ABCA13: variants seen among roughly 807,000 people sequenced by gnomAD.
ABCA13 encodes the protein ATP-binding cassette sub-family A member 13.
A neutral mutation model predicts 478.7 loss-of-function variants in ABCA13; 476 were observed. The observed-to-expected ratio is 0.99, with a 90% confidence interval of 0.92 to 1.07. The LOEUF is 1.07. Among genes scored for constraint, ABCA13 ranks in the 50% least tolerant of loss-of-function variants. The probability of loss-of-function intolerance (pLI) is 0.00; values close to 1 mark genes in which losing one functional copy is unlikely to be tolerated. For missense variants in ABCA13, 6,060 were observed against 5,910.6 expected, an observed-to-expected ratio of 1.03 and a Z score of -0.83; for synonymous variants, 2,252 against 2,158.9, an observed-to-expected ratio of 1.04 and a Z score of -1.20.
At position 48,427,813 on chromosome 7, in the gene ABCA13, C is replaced by A; in HGVS notation, c.12507C>A (p.Ala4169=). Residue 4169 remains alanine (A), a synonymous_variant, in exon 42 of 62, where the codon GCC becomes GCA. Coordinates refer to ENST00000435803, the MANE Select transcript of ABCA13 (RefSeq NM_152701.5). ...LQDSNKKSHI[A]LGTESELQNH... ...ATTCCAACAAGAAATCTCACATTGC[C>A]CTGGGGACTGAGTCAGAGCTGCAGA... 1 of 1,612,474 alleles carries A rather than the reference C, an allele frequency of 6.2e-7. No homozygotes were observed.
chr7:48,241,641 T>G (rs576209970), intron 10 of ABCA13, among the ~76,000 whole-genome samples: 2 of 152,216 alleles, frequency 1.3e-5, no homozygotes, highest in Non-Finnish European at 2.9e-5. Flanking sequence ...CTTATTATCC[T>G]TCTGAAGTTA....
chr7:48,441,887 A>G (rs1025573622), intron 42 of ABCA13, among the ~76,000 whole-genome samples: 1 of 152,178 alleles, frequency 6.6e-6, no homozygotes, highest in Non-Finnish European at 1.5e-5. Flanking sequence ...CCTTACTGCG[A>G]AAAAAATGAA....
chr7:48,323,559 C>T (rs1331083875), intron 27 of ABCA13, among the ~76,000 whole-genome samples: 1 of 152,192 alleles, frequency 6.6e-6, no homozygotes, highest in Non-Finnish European at 1.5e-5. Context: ...GGGCCAGGCA[C>T]CTTATGTGGA....
chr7:48,483,510 C>T (rs1828989061), intron 47 of ABCA13, among the ~76,000 whole-genome samples: 1 of 152,212 alleles, frequency 6.6e-6, no homozygotes, highest in South Asian at 2.1e-4. Flanking sequence ...AATGTAAATG[C>T]CTTATCTTCC....
At chr7:48,595,987 A>G (rs898387826) in intron 58 of ABCA13, among the ~76,000 whole-genome samples, 1 of 152,226 alleles carries the variant, frequency 6.6e-6, no homozygotes, top group Non-Finnish European at 1.5e-5. Context: ...AGCTAGCCCT[A>G]TCATTTGAAA....
Position 48,240,996 on chromosome 7 carries a change from A to C in ABCA13, c.1192A>C (p.Thr398Pro), listed in dbSNP as rs373658773. 4.3e-6 allele frequency: 7 copies of C among 1,613,906 alleles called. No individual in the cohort carries two copies. In the African/African-American group the frequency reaches 9.3e-5, roughly 22 times the overall value. The part of the protein sequence containing the change: ...KPWKVVEALH[T>P]ALLLLNDSLS... Reference sequence around the variant, plus strand: ...CTGGAAGGTGGTGGAAGCTCTGCACACTGCACTGCTCCTGCTGAATGACAG... The same window carrying C: ...CTGGAAGGTGGTGGAAGCTCTGCACCCTGCACTGCTCCTGCTGAATGACAG... Residue 398 changes from threonine to proline, a missense_variant, in exon 10 of 62, where the codon ACT (threonine) becomes CCT (proline). Thr to Pro is a conservative substitution (Grantham distance 38, BLOSUM62 -1). This residue lies in a region of ABCA13 where 4,423 missense variants were observed against 4,309.1 expected (regional missense o/e 1.03). Transcript: ENST00000435803.
At chr7:48,534,458 A>G (rs940758644) in intron 55 of ABCA13, among the ~76,000 whole-genome samples, 2 of 152,102 alleles carry the variant, frequency 1.3e-5, no homozygotes, top group Non-Finnish European at 2.9e-5. Flanking sequence ...GCTTATTTGC[A>G]TGGTTTTGAG....
In ABCA13 at chr7:48,192,978, T is replaced by G; in HGVS notation, c.89T>G (p.Phe30Cys). The G allele has an allele frequency of 6.5e-7, 1 of 1,529,216 alleles. No individual in the cohort carries two copies. The highest frequency in any genetic ancestry group is 1.4e-5 in the African/African-American group (1 of 72,554). The allele number at this position is 1,529,216 out of a possible 1,614,324, so 94.7% of individuals were successfully genotyped here. Residue 30 changes from phenylalanine to cysteine, a missense_variant, in exon 2 of 62, where the codon TTC (phenylalanine) becomes TGC (cysteine). Phe to Cys is a radical substitution (Grantham distance 205). Coordinates refer to ENST00000435803, the MANE Select transcript of ABCA13 (RefSeq NM_152701.5). Reference sequence around the variant, plus strand: ...TTCTAGGTCCTTTTCCTTGCTGAATTCTTCTGGCCTTGTATCCTGTTTGTA... The same window carrying G: ...TTCTAGGTCCTTTTCCTTGCTGAATGCTTCTGGCCTTGTATCCTGTTTGTA... The part of the protein sequence containing the change: ...LRNPVLFLAE[F>C]FWPCILFVIL...
intron 42 of ABCA13, among the ~76,000 whole-genome samples, chr7:48,449,220 C>A (rs914969289): frequency 5.3e-5 from 8 of 152,220 alleles, no homozygotes; most frequent in African/African-American, 1.9e-4. Context: ...ACCCACATGC[C>A]ACAAAAACAT....
intron 37 of ABCA13, among the ~76,000 whole-genome samples, chr7:48,390,187 C>A (rs1815823515): frequency 6.6e-6 from 1 of 152,178 alleles, no homozygotes; most frequent in Non-Finnish European, 1.5e-5. Context: ...AAAACCTGGG[C>A]TGCTTGTTTA....
chr7:48,254,064 A>G (rs903195682), intron 15 of ABCA13, among the ~76,000 whole-genome samples: 2 of 151,776 alleles, frequency 1.3e-5, no homozygotes, highest in Non-Finnish European at 2.9e-5. Context: ...TAGTTAAGAA[A>G]TTCTTTCTGC....
chr7:48,229,910 A>T lies in ABCA13; in HGVS notation c.718A>T (p.Ile240Phe). The change falls in exon 7 of 62, where the codon ATT becomes TTT. Residue 240 changes from isoleucine (I) to phenylalanine (F), a missense_variant. Ile to Phe is a conservative substitution (Grantham distance 21). Coordinates refer to ENST00000435803, the MANE Select transcript of ABCA13 (RefSeq NM_152701.5). ...TTCTGAACTTGTACTGAATGTGACC[A>T]TTTCGACACTGACATTTCTGCAGCA... The part of the protein sequence containing the change: ...QVSELVLNVT[I>F]STLTFLQQHG... The T allele has an allele frequency of 6.2e-7, 1 of 1,613,990 alleles. No individual in the cohort carries two copies. Among genetic ancestry groups the T allele is most frequent in the Non-Finnish European group, 8.5e-7 (1 of 1,179,866 alleles).
rs1484289239 is a variant in ABCA13, at chr7:48,197,868, G to A, written c.164-369G>A. ...AACTCCTACATTTTTATATGAGATG[G>A]GAAGAAGCATCCTTTCTATTCTTCC... On this transcript the variant is annotated intron_variant, in intron 2 of 61. Coordinates refer to ENST00000435803, the MANE Select transcript of ABCA13 (RefSeq NM_152701.5). 4.6e-5 allele frequency among the ~76,000 whole-genome samples: 7 copies of A among 152,118 alleles called. No homozygotes were observed. In the East Asian group the frequency reaches 1.4e-3, roughly 29 times the overall value.
intron 55 of ABCA13, among the ~76,000 whole-genome samples, chr7:48,551,173 A>G (rs1204319170): frequency 6.6e-6 from 1 of 151,434 alleles, no homozygotes; most frequent in Non-Finnish European, 1.5e-5. Context: ...TTTCCTTCAA[A>G]TAGCTAATGT....
intron 58 of ABCA13, among the ~76,000 whole-genome samples, chr7:48,613,474 G>A (rs932124120): frequency 6.6e-6 from 1 of 152,156 alleles, no homozygotes; most frequent in Admixed American, 6.5e-5. Flanking sequence ...ACAGGCATGA[G>A]CCACCACGCC....
chr7:48,355,640 G>C (rs777744386), intron 31 of ABCA13, among the ~76,000 whole-genome samples: 2 of 151,976 alleles, frequency 1.3e-5, no homozygotes, highest in Non-Finnish European at 2.9e-5. Flanking sequence ...ATGGTGGCTT[G>C]GTCCAGTGTG....
At position 48,248,060 on chromosome 7, in the gene ABCA13, T is replaced by C. The variant is rs554334794; in HGVS notation, c.1660-179T>C. On this transcript the variant is annotated intron_variant, in intron 13 of 61. Transcript: ENST00000435803. ...ATTTTTGGACTTATTAACCTGAACATGAGTAAAGATTCAAGTCTAGAACTA... is the reference window on the plus strand; with the variant it reads ...ATTTTTGGACTTATTAACCTGAACACGAGTAAAGATTCAAGTCTAGAACTA... 5.3e-5 allele frequency among the ~76,000 whole-genome samples: 8 copies of C among 152,312 alleles called. No individual in the cohort carries two copies. In the East Asian group the frequency reaches 1.2e-3, roughly 22 times the overall value.
At chr7:48,587,777 G>T (rs761604871) in intron 57 of ABCA13, among the ~76,000 whole-genome samples, 1 of 152,200 alleles carries the variant, frequency 6.6e-6, no homozygotes, top group African/African-American at 2.4e-5. Context: ...TCTTGAGACA[G>T]GGTGGTCTAT....
At chr7:48,341,591 C>G (rs1807170263) in intron 29 of ABCA13, among the ~76,000 whole-genome samples, 1 of 151,662 alleles carries the variant, frequency 6.6e-6, no homozygotes. Flanking sequence ...TTCTTTCTCT[C>G]TCCTTTTTGC....
Sources: allele counts gnomAD v4.1 joint callset (sites outside exome capture counted in the v4.1 genomes callset), GRCh38; gene constraint gnomAD v4.1.1; regional missense constraint gnomAD v4.1.1; transcripts MANE v1.5; gene names NCBI Gene and HGNC (gene_info 2026-07-23, HGNC 2026-07-21).